ZNF277: variants seen among roughly 807,000 people sequenced by gnomAD.
ZNF277 encodes the protein zinc finger protein 277.
In ZNF277, 55 loss-of-function variants were observed where a neutral mutation model predicts 60.7. The ratio of observed to expected loss-of-function variants is 0.91; its 90% CI spans 0.73 to 1.13. The LOEUF (loss-of-function observed/expected upper bound fraction) is 1.13, where lower values mean the gene tolerates loss of function less well. Ranked by LOEUF, ZNF277 falls within the 50% of genes most tolerant of loss-of-function variation. The pLI is 0.00. For synonymous variants in ZNF277, 178 were observed against 179.3 expected (o/e 0.99, Z 0.06); for missense variants, 510 against 523.0 (o/e 0.98, Z 0.24).
At chr7:112,267,209 G>A (rs973635399) in intron 1 of ZNF277, among the ~76,000 whole-genome samples, 3 of 152,114 alleles carry the variant, frequency 2.0e-5, no homozygotes, top group African/African-American at 7.2e-5. Flanking sequence ...GTATTCTTAT[G>A]TATATTGGAT....
chr7:112,324,805 G>A (rs940059727), intron 5 of ZNF277, among the ~76,000 whole-genome samples: 13 of 152,136 alleles, frequency 8.5e-5, no homozygotes, highest in African/African-American at 1.9e-4. Context: ...TATGGAGGCC[G>A]AGAAGTGCCA....
chr7:112,297,852 T>A (rs995145563), intron 4 of ZNF277, among the ~76,000 whole-genome samples: 1 of 152,172 alleles, frequency 6.6e-6, no homozygotes, highest in Non-Finnish European at 1.5e-5. Context: ...TTATAAGAAC[T>A]CAAACCCTAC....
intron 10 of ZNF277, among the ~76,000 whole-genome samples, chr7:112,340,114 G>A (rs1563235084): frequency 6.6e-6 from 1 of 152,138 alleles, no homozygotes; most frequent in African/African-American, 2.4e-5. Context: ...ATATATGAGT[G>A]CTTCAAGTGA....
chr7:112,311,211 A>T (rs1792724020), intron 4 of ZNF277, among the ~76,000 whole-genome samples: 1 of 151,964 alleles, frequency 6.6e-6, no homozygotes, highest in South Asian at 2.1e-4. Flanking sequence ...TGTTTTATTA[A>T]TTTTTTCTCT....
chr7:112,340,539 G>A (rs1454663197), intron 10 of ZNF277, among the ~76,000 whole-genome samples: 1 of 152,144 alleles, frequency 6.6e-6, no homozygotes, highest in South Asian at 2.1e-4. Context: ...TATATAATTA[G>A]CTTAGTAGTC....
intron 7 of ZNF277, among the ~76,000 whole-genome samples, chr7:112,334,493 C>T (rs1424887679): frequency 6.6e-6 from 1 of 151,232 alleles, no homozygotes; most frequent in African/African-American, 2.4e-5. Flanking sequence ...AACTGGGCCA[C>T]TTTCACGTGC....
chr7:112,280,631 C>CTT (rs569905324), intron 1 of ZNF277, among the ~76,000 whole-genome samples: 7 of 146,022 alleles, frequency 4.8e-5, no homozygotes, highest in South Asian at 2.2e-4. Context: ...TATCTATTGT[C>CTT]TTTTTTTTTT....
chr7:112,327,780 T>A lies in ZNF277; in HGVS notation c.621T>A (p.Ile207=). The change falls in exon 6 of 12, where the codon ATT becomes ATA. Residue 207 remains isoleucine (I), a synonymous_variant. Transcript: ENST00000361822. ...HAFNIGLPDN[I]VNCNEFLCTL... is the part of the protein sequence containing the mutation. ...TCAACATTGGATTGCCAGACAACAT[T>A]GTAAACTGCAATGAATTTTTGTGTA... 6.2e-7 allele frequency: 1 copy of A among 1,612,394 alleles called. No individual in the cohort carries two copies. The highest frequency in any genetic ancestry group is 1.1e-5 in the South Asian group (1 of 90,616).
chr7:112,213,803 A>G (rs1308887176), intron 1 of ZNF277, among the ~76,000 whole-genome samples: 1 of 152,240 alleles, frequency 6.6e-6, no homozygotes, highest in East Asian at 1.9e-4. Flanking sequence ...GAAAGGCAGT[A>G]TGGAATAGTG....
intron 1 of ZNF277, among the ~76,000 whole-genome samples, chr7:112,258,029 C>CA (rs1378511722): frequency 2.0e-5 from 3 of 151,858 alleles, no homozygotes; most frequent in Non-Finnish European, 4.4e-5. Context: ...CCCAGGCTGG[C>CA]AAATTTTTTT....
At position 112,238,228 on chromosome 7, in the gene ZNF277, C is replaced by T. The variant is rs188548627; in HGVS notation, c.91+31421C>T. ...CCATCTCTCAGCAGTGGCAGCTTAG[C>T]GCAGAGAGTGCTTAGGGGAGGGAGA... is the stretch of plus-strand genomic sequence containing the variant. On this transcript the variant is annotated intron_variant, in intron 1 of 11. Coordinates refer to ENST00000361822, the MANE Select transcript of ZNF277 (RefSeq NM_021994.3). Among the ~76,000 whole-genome samples, 24 of 152,288 alleles carry T rather than the reference C, an allele frequency of 1.6e-4. 1 individual carries two copies. In the East Asian group the frequency reaches 3.3e-3, roughly 21 times the overall value.
In ZNF277 at chr7:112,294,789, GA is replaced by G. The variant is rs530001850; in HGVS notation, c.294-1073del. Among the ~76,000 whole-genome samples the G allele has an allele frequency of 6.4e-4, 98 of 152,018 alleles. 2 individuals are homozygous for G. The highest frequency in any genetic ancestry group is 2.0e-3 in the African/African-American group (85 of 41,504). On this transcript the variant is annotated intron_variant, in intron 2 of 11. Coordinates refer to ENST00000361822, the MANE Select transcript of ZNF277 (RefSeq NM_021994.3). ...CATGGTATTGGAAAATTAATGTTAA[GA>G]AAAAAATTAATAATAAAAAGGAGAC...
At chr7:112,230,471 A>G (rs1375526433) in intron 1 of ZNF277, among the ~76,000 whole-genome samples, 1 of 152,216 alleles carries the variant, frequency 6.6e-6, no homozygotes, top group Non-Finnish European at 1.5e-5. Flanking sequence ...CCACTACTTT[A>G]ATCTCTTGCA....
At chr7:112,307,145 G>A (rs1418869082) in intron 4 of ZNF277, among the ~76,000 whole-genome samples, 2 of 152,100 alleles carry the variant, frequency 1.3e-5, no homozygotes, top group African/African-American at 4.8e-5. Context: ...AAGGGCTTTT[G>A]TTCATGTCTC....
intron 6 of ZNF277, 135 bp downstream of exon 6, chr7:112,327,962 G>A (rs972491304): frequency 1.4e-5 from 9 of 634,064 alleles, no homozygotes; most frequent in Admixed American, 3.4e-5. Flanking sequence ...CATTTTGTAC[G>A]ACAGTCCTTA....
At chr7:112,299,843 G>A (rs56341778) in intron 4 of ZNF277, among the ~76,000 whole-genome samples, 7,783 of 152,138 alleles carry the variant, frequency 0.051, 276 homozygotes, top group Admixed American at 0.12. Context: ...TATTAGTAGG[G>A]CATTTGCTGA....
chr7:112,226,415 T>C (rs1413969126), intron 1 of ZNF277, among the ~76,000 whole-genome samples: 2 of 152,158 alleles, frequency 1.3e-5, no homozygotes, highest in Non-Finnish European at 2.9e-5. Flanking sequence ...ATCACTGAAA[T>C]TAATATTTAT....
At chr7:112,331,898 A>T (rs530694076) in intron 7 of ZNF277, among the ~76,000 whole-genome samples, 16 of 152,350 alleles carry the variant, frequency 1.1e-4, no homozygotes, top group Middle Eastern at 6.8e-3. Flanking sequence ...AGATCTTGAG[A>T]CTAGCAGAAC....
chr7:112,337,338 G>A (rs962206639), intron 8 of ZNF277, among the ~76,000 whole-genome samples: 2 of 152,136 alleles, frequency 1.3e-5, no homozygotes, highest in African/African-American at 2.4e-5. Context: ...ACACATTCCC[G>A]GCATCACACC....
Sources: allele counts gnomAD v4.1 joint callset (sites outside exome capture counted in the v4.1 genomes callset), GRCh38; gene constraint gnomAD v4.1.1; transcripts MANE v1.5; gene names NCBI Gene and HGNC (gene_info 2026-07-23, HGNC 2026-07-21).